Variants in ME3 observed in about 807,000 individuals in gnomAD.
ME3 encodes NADP-dependent malic enzyme, mitochondrial.
Under a neutral mutation model 68.9 loss-of-function variants are expected in ME3, and 48 were observed. The ratio of observed to expected loss-of-function variants is 0.70; its 90% confidence interval spans 0.55 to 0.89. ME3 has a LOEUF of 0.89. Ranked by LOEUF, ME3 falls within the 40% of genes least tolerant of loss-of-function variation. The pLI is 0.00. For synonymous variants in ME3, 320 were observed against 318.8 expected, an observed-to-expected ratio of 1.00 and a Z score of -0.04; for missense variants, 675 against 797.4, an observed-to-expected ratio of 0.85 and a Z score of 1.85.
intron 2 of ME3, among the ~76,000 whole-genome samples, chr11:86,579,488 A>C (rs1445411363): frequency 2.0e-5 from 3 of 152,152 alleles, no homozygotes; most frequent in Non-Finnish European, 2.9e-5. Flanking sequence ...ATAATAGCCA[A>C]GCTCCCTGAG....
chr11:86,435,303 C>G, the ME3 span: 6 of 152,184 alleles, frequency 3.9e-5, no homozygotes, highest in Non-Finnish European at 8.8e-5. Context: ...CAGCCTAAAA[C>G]TTTGCCTGCA....
chr11:86,543,649 A>G (rs921175297), intron 4 of ME3, among the ~76,000 whole-genome samples: 7 of 152,236 alleles, frequency 4.6e-5, no homozygotes, highest in Non-Finnish European at 4.4e-5. Flanking sequence ...ACCCAGATTC[A>G]TAAAACAAGT....
rs569596716 is a variant in ME3, at chr11:86,495,291, T to C, written c.705+2672A>G. Among the ~76,000 whole-genome samples, 4 of 152,336 alleles carry C rather than the reference T, an allele frequency of 2.6e-5. No individual in the cohort carries two copies. The South Asian group carries it at 8.3e-4, about 32-fold the overall frequency. On this transcript the variant is annotated intron_variant, in intron 6 of 14. Transcript: ENST00000543262. Reference sequence around the variant, plus strand: ...AACTGAGTGGTCCATAAAAAGGGCCTGATCCACAATTACTGCTACTTTCCA... The same window carrying C: ...AACTGAGTGGTCCATAAAAAGGGCCCGATCCACAATTACTGCTACTTTCCA...
intron 7 of ME3, among the ~76,000 whole-genome samples, chr11:86,470,813 C>T (rs1307481158): frequency 2.0e-5 from 3 of 152,078 alleles, no homozygotes; most frequent in Admixed American, 6.5e-5. Flanking sequence ...GATTTCACCT[C>T]CTTCAAGTTT....
chr11:86,452,098 T>C (rs2138637358), intron 8 of ME3, among the ~76,000 whole-genome samples: 1 of 152,292 alleles, frequency 6.6e-6, no homozygotes, highest in South Asian at 2.1e-4. Flanking sequence ...GGGGTGGAAA[T>C]GGGAGTGGCT....
At chr11:86,443,145 C>T (rs1949099499) in intron 13 of ME3, among the ~76,000 whole-genome samples, 1 of 152,184 alleles carries the variant, frequency 6.6e-6, no homozygotes, top group Non-Finnish European at 1.5e-5. Flanking sequence ...TTAAGTGTCT[C>T]TGAATTCCAA....
intron 2 of ME3, among the ~76,000 whole-genome samples, chr11:86,600,502 G>T (rs901544473): frequency 6.0e-5 from 9 of 150,458 alleles, no homozygotes; most frequent in Non-Finnish European, 1.2e-4. Flanking sequence ...CAATAATAAT[G>T]GGAGACTTTA....
intron 4 of ME3, among the ~76,000 whole-genome samples, chr11:86,525,204 G>A (rs1253833741): frequency 6.6e-6 from 1 of 152,104 alleles, no homozygotes. Context: ...TAAAATAGGG[G>A]CAATGAAATG....
chr11:86,517,455 A>G (rs1047832358), intron 4 of ME3, among the ~76,000 whole-genome samples: 10 of 152,226 alleles, frequency 6.6e-5, no homozygotes, highest in African/African-American at 2.2e-4. Flanking sequence ...GTTCCTCAGC[A>G]TAATATGGCT....
chr11:86,607,768 C>T (rs569502711), intron 2 of ME3, among the ~76,000 whole-genome samples: 134 of 151,528 alleles, frequency 8.8e-4, no homozygotes, highest in Non-Finnish European at 1.6e-3. Context: ...AAGTTGATCT[C>T]GCAGTGAACT....
intron 2 of ME3, among the ~76,000 whole-genome samples, chr11:86,607,965 C>A (rs997501891): frequency 6.6e-6 from 1 of 152,062 alleles, no homozygotes; most frequent in African/African-American, 2.4e-5. Context: ...CCCCTGGGTG[C>A]CAGAAGTACC....
rs538157948 is a variant in ME3 at position 86,603,187 on chromosome 11, G to A, written c.184-43364C>T. The stretch of plus-strand genomic sequence containing the variant: ...GCCTACAAAATGGGAGAAAATTTTC[G>A]CAACCTACTCATCTGACAAAGGGCT... On this transcript the variant is annotated intron_variant, in intron 2 of 14. Coordinates refer to ENST00000543262, the Ensembl canonical transcript of ME3. Among the ~76,000 whole-genome samples the A allele has an allele frequency of 2.0e-4, 31 of 152,084 alleles. No individual in the cohort carries two copies. The East Asian group carries it at 3.1e-3, about 15-fold the overall frequency.
Position 86,541,547 on chromosome 11 carries a change from G to A in ME3, c.467+15006C>T, listed in dbSNP as rs1298066236. Reference sequence around the variant, plus strand: ...AGCTGCTGGGAAGTTCAGACTGGGTGGAGACCACTACAGTACCACAAAGCC... The same window carrying A: ...AGCTGCTGGGAAGTTCAGACTGGGTAGAGACCACTACAGTACCACAAAGCC... On this transcript the variant is annotated intron_variant, in intron 4 of 14. Coordinates refer to ENST00000543262, the Ensembl canonical transcript of ME3. 3.9e-5 allele frequency among the ~76,000 whole-genome samples: 6 copies of A among 152,238 alleles called. 1 individual carries two copies.
chr11:86,535,139 C>CTA (rs1200079824), intron 4 of ME3, among the ~76,000 whole-genome samples: 1 of 152,160 alleles, frequency 6.6e-6, no homozygotes, highest in African/African-American at 2.4e-5. Flanking sequence ...ATTTGTCCTG[C>CTA]TATTACTTGA....
chr11:86,475,828 A>T (rs1021305790), intron 7 of ME3, among the ~76,000 whole-genome samples: 1 of 149,274 alleles, frequency 6.7e-6, no homozygotes, highest in Non-Finnish European at 1.5e-5. Context: ...AGACTGAACC[A>T]CAGAAGGCAT....
intron 2 of ME3, among the ~76,000 whole-genome samples, chr11:86,598,411 T>C (rs1594603281): frequency 1.3e-5 from 2 of 152,198 alleles, no homozygotes. Flanking sequence ...GCACCCGCCA[T>C]TGCCCAGACT....
Position 86,468,792 on chromosome 11 carries a change from TA to T in ME3, c.810-3593del, listed in dbSNP as rs965115115. On this transcript the variant is annotated intron_variant, in intron 7 of 14. Transcript: ENST00000543262. ...TTCATTAAAATGCTAACAACAATGGTAAAAAAAATAGCTAGCTTTTATCTAG... is the reference window on the plus strand; with the variant it reads ...TTCATTAAAATGCTAACAACAATGGTAAAAAAATAGCTAGCTTTTATCTAG... 9.2e-5 allele frequency among the ~76,000 whole-genome samples: 14 copies of T among 152,034 alleles called. No individual in the cohort carries two copies. The East Asian group carries it at 1.2e-3, about 13-fold the overall frequency.
rs1380759081 is a variant in ME3 at position 86,576,011 on chromosome 11, T to C, written c.184-16188A>G. ...TAGTTTTGTGATGTTGAGCATATCA[T>C]TCAACTCTTGAACAGAAGTTTGCTC... On this transcript the variant is annotated intron_variant, in intron 2 of 14. Coordinates refer to ENST00000543262, the Ensembl canonical transcript of ME3. 3.9e-5 allele frequency among the ~76,000 whole-genome samples: 6 copies of C among 152,316 alleles called. No individual in the cohort carries two copies. In the East Asian group the frequency reaches 1.2e-3, roughly 29 times the overall value.
intron 6 of ME3, among the ~76,000 whole-genome samples, chr11:86,497,461 C>T (rs546552779): frequency 6.6e-6 from 1 of 152,312 alleles, no homozygotes; most frequent in Non-Finnish European, 1.5e-5. Context: ...ACTGCCAGGA[C>T]TCCTGCAGCT....
Sources: gnomAD v4.1 joint callset for allele counts (sites outside exome capture counted in the v4.1 genomes callset) on GRCh38, gnomAD v4.1.1 for gene constraint, MANE v1.5 for transcripts, NCBI Gene and HGNC (gene_info 2026-07-23, HGNC 2026-07-21) for gene names.